The following CSMD3 variants were observed in gnomAD, a reference collection of about 807,000 sequenced individuals.
The protein encoded by CSMD3 is CUB and sushi domain-containing protein 3.
CSMD3 carries 177 observed loss-of-function variants against 435.2 expected under a neutral mutation model. The ratio of observed to expected loss-of-function variants is 0.41; its 90% confidence interval spans 0.36 to 0.46. The LOEUF is 0.46. Ranked by LOEUF, CSMD3 falls within the 20% of genes least tolerant of loss-of-function variation. The probability of loss-of-function intolerance (pLI) is 0.34; values close to 1 mark genes in which losing one functional copy is unlikely to be tolerated. For synonymous variants in CSMD3, 1,656 were observed against 1,520.5 expected (o/e 1.09, Z -2.07); for missense variants, 4,265 against 4,504.6 (o/e 0.95, Z 1.52).
At chr8:112,998,111 G>T (rs1453059632) in intron 6 of CSMD3, among the ~76,000 whole-genome samples, 1 of 151,170 alleles carries the variant, frequency 6.6e-6, no homozygotes, top group South Asian at 2.1e-4. Context: ...TTTTATGTTG[G>T]TGAAACATGG....
intron 13 of CSMD3, among the ~76,000 whole-genome samples, chr8:112,794,933 T>C (rs1400217116): frequency 2.0e-5 from 3 of 152,116 alleles, no homozygotes; most frequent in African/African-American, 7.2e-5. Context: ...TAACAAAATA[T>C]AAGTGACCAG....
chr8:112,763,377 CT>C (rs1489680965), intron 13 of CSMD3, among the ~76,000 whole-genome samples: 1 of 150,796 alleles, frequency 6.6e-6, no homozygotes, highest in Non-Finnish European at 1.5e-5. Flanking sequence ...AGTAAAACTC[CT>C]ATAGAATATT....
At chr8:112,364,538 A>G (rs1827574114) in intron 38 of CSMD3, among the ~76,000 whole-genome samples, 1 of 152,024 alleles carries the variant, frequency 6.6e-6, no homozygotes, top group Non-Finnish European at 1.5e-5. Flanking sequence ...TCCCTCTAGG[A>G]TTTGCCATTA....
intron 36 of CSMD3, among the ~76,000 whole-genome samples, chr8:112,386,936 T>A: frequency 6.6e-6 from 1 of 152,252 alleles, no homozygotes; most frequent in East Asian, 1.9e-4. Flanking sequence ...ATCTATCATA[T>A]AACTGTTCAA....
chr8:112,491,260 A>G (rs544638880), intron 31 of CSMD3, among the ~76,000 whole-genome samples: 1 of 152,072 alleles, frequency 6.6e-6, no homozygotes, highest in Non-Finnish European at 1.5e-5. Flanking sequence ...TCATAGACCA[A>G]TTCAAACACT....
intron 45 of CSMD3, among the ~76,000 whole-genome samples, chr8:112,333,433 C>A (rs1044102442): frequency 5.3e-5 from 8 of 152,126 alleles, no homozygotes; most frequent in African/African-American, 1.9e-4. Context: ...TCCCATAGTG[C>A]TGGGATTATA....
chr8:112,699,144 G>C (rs1192138695), intron 13 of CSMD3, among the ~76,000 whole-genome samples: 1 of 152,092 alleles, frequency 6.6e-6, no homozygotes, highest in Non-Finnish European at 1.5e-5. Flanking sequence ...TGCTGTGGAA[G>C]CTTTGTTCTT....
At chr8:112,837,827 T>C (rs1271665874) in intron 11 of CSMD3, among the ~76,000 whole-genome samples, 3 of 151,784 alleles carry the variant, frequency 2.0e-5, no homozygotes, top group Non-Finnish European at 2.9e-5. Context: ...ATATTAACAA[T>C]TATTTTTGCT....
chr8:113,079,113 C>A (rs768804372), intron 5 of CSMD3, among the ~76,000 whole-genome samples: 2 of 152,100 alleles, frequency 1.3e-5, no homozygotes, highest in African/African-American at 2.4e-5. Context: ...TGCCATTCAC[C>A]TTTTAAAGAG....
At chr8:112,402,265 C>G (rs751236252) in intron 35 of CSMD3, among the ~76,000 whole-genome samples, 1 of 152,152 alleles carries the variant, frequency 6.6e-6, no homozygotes, top group Non-Finnish European at 1.5e-5. Flanking sequence ...GACATTCACC[C>G]ACGACTCTTG....
chr8:112,646,200 A>C (rs1404663609), intron 19 of CSMD3, among the ~76,000 whole-genome samples: 1 of 152,230 alleles, frequency 6.6e-6, no homozygotes, highest in African/African-American at 2.4e-5. Context: ...TCTACTTCAA[A>C]GGACTATATG....
intron 13 of CSMD3, among the ~76,000 whole-genome samples, chr8:112,763,112 A>T (rs1490130730): frequency 6.6e-6 from 1 of 151,796 alleles, no homozygotes; most frequent in Non-Finnish European, 1.5e-5. Context: ...ACATTCATTC[A>T]TTCCACAATG....
chr8:113,196,963 T>C (rs893566505), intron 3 of CSMD3, among the ~76,000 whole-genome samples: 2 of 150,392 alleles, frequency 1.3e-5, no homozygotes, highest in Non-Finnish European at 3.0e-5. Context: ...TTAACCCCTC[T>C]GTGGAACAAT....
chr8:112,930,870 T>TTAAACA (rs1410517980), intron 9 of CSMD3, among the ~76,000 whole-genome samples: 4 of 152,102 alleles, frequency 2.6e-5, no homozygotes, highest in Non-Finnish European at 4.4e-5. Flanking sequence ...ATGTTTAATA[T>TTAAACA]TTACCCCTTG....
chr8:113,347,186 A>C (rs150230518), intron 1 of CSMD3, among the ~76,000 whole-genome samples: 340 of 152,262 alleles, frequency 2.2e-3, no homozygotes, highest in African/African-American at 7.8e-3. Context: ...CCACATCAAT[A>C]AAGTAACAGA....
chr8:112,921,546 G>T, intron 10 of CSMD3, 81 bp downstream of exon 10: 2 of 1,139,038 alleles, frequency 1.8e-6, no homozygotes, highest in South Asian at 2.5e-5. Context: ...ACAATTCAAA[G>T]ACTTAATTGC....
chr8:112,867,892 A>G (rs1381955247), intron 10 of CSMD3, among the ~76,000 whole-genome samples: 1 of 152,118 alleles, frequency 6.6e-6, no homozygotes, highest in African/African-American at 2.4e-5. Context: ...TGTTACTTAA[A>G]TAGTGAATTA....
rs1315240161 is a variant in CSMD3, at chr8:112,335,464, C to G, written c.7030G>C (p.Asp2344His). 1.9e-6 allele frequency: 3 copies of G among 1,613,920 alleles called. No individual in the cohort carries two copies. Among genetic ancestry groups the G allele is most frequent in the South Asian group, 2.2e-5 (2 of 91,082 alleles). The change falls in exon 45 of 71, where the codon GAC becomes CAC. Residue 2344 changes from aspartate (D) to histidine (H), a missense_variant. Asp to His is a moderately conservative substitution (Grantham distance 81). Around this residue, in one of 3 missense-constraint regions of CSMD3, gnomAD observed 3,255 missense variants for 3,380.2 expected, o/e 0.96. Coordinates refer to ENST00000297405, the MANE Select transcript of CSMD3 (RefSeq NM_198123.2). ...TGACCGATCTGAGGTGAATTTTGGT[C>G]TGGTCCATCCCTATGAGACAAGGAT... ...YDFITVWDGP[D>H]QNSPQIGQFS...
At chr8:113,203,127 A>C (rs2132038537) in intron 3 of CSMD3, among the ~76,000 whole-genome samples, 1 of 152,170 alleles carries the variant, frequency 6.6e-6, no homozygotes, top group South Asian at 2.1e-4. Flanking sequence ...AGGATACTGA[A>C]CATTCTCATC....
Sources: gnomAD v4.1 joint callset for allele counts (sites outside exome capture counted in the v4.1 genomes callset) on GRCh38, gnomAD v4.1.1 for gene constraint, gnomAD v4.1.1 regional missense constraint, MANE v1.5 for transcripts, NCBI Gene and HGNC (gene_info 2026-07-23, HGNC 2026-07-21) for gene names.